The following REL variants were observed in gnomAD, a reference collection of about 807,000 sequenced individuals.
The protein encoded by REL is REL proto-oncogene, NF-kB subunit.
Under a neutral mutation model 45.9 loss-of-function variants are expected in REL, and 15 were observed. That is an observed-to-expected ratio of 0.33 (90% CI 0.22 to 0.50). The LOEUF (loss-of-function observed/expected upper bound fraction) is 0.50. Ranked by LOEUF, REL falls within the 20% of genes least tolerant of loss-of-function variation. REL has a pLI of 0.98. For synonymous variants in REL, 239 were observed against 242.1 expected (o/e 0.99, Z 0.12); for missense variants, 601 against 715.2 (o/e 0.84, Z 1.82).
intron 1 of REL, among the ~76,000 whole-genome samples, chr2:60,887,270 A>C (rs1220366964): frequency 6.6e-6 from 1 of 152,208 alleles, no homozygotes; most frequent in Admixed American, 6.5e-5. Flanking sequence ...AATAGGAATG[A>C]GTATGAGGAA....
chr2:60,897,105 T>G (rs1352380060), intron 3 of REL, among the ~76,000 whole-genome samples: 1 of 152,170 alleles, frequency 6.6e-6, no homozygotes, highest in Non-Finnish European at 1.5e-5. Context: ...AAAGTATCAC[T>G]GTAAACTCAT....
At chr2:60,920,234 C>G (rs1000869533) in intron 8 of REL, 125 bp downstream of exon 8, 16 of 770,758 alleles carry the variant, frequency 2.1e-5, no homozygotes, top group East Asian at 5.4e-5. Context: ...TAGCATCTCT[C>G]TCTGTCACCC....
intron 4 of REL, among the ~76,000 whole-genome samples, chr2:60,910,919 G>A (rs984440695): frequency 3.9e-5 from 6 of 152,172 alleles, no homozygotes; most frequent in Non-Finnish European, 8.8e-5. Context: ...GCGACAGAGT[G>A]AGACTCTGTC....
At chr2:60,882,870 T>A (rs898796347) in intron 1 of REL, among the ~76,000 whole-genome samples, 6 of 152,158 alleles carry the variant, frequency 3.9e-5, no homozygotes, top group African/African-American at 1.4e-4. Flanking sequence ...ATATTTTCCC[T>A]TAATAAATGC....
chr2:60,898,962 C>T (rs1371101871), intron 3 of REL: 1 of 152,196 alleles, frequency 6.6e-6, no homozygotes, highest in Non-Finnish European at 1.5e-5. Context: ...CTTGATCCTT[C>T]ATTTCAGAAT....
intron 1 of REL, among the ~76,000 whole-genome samples, chr2:60,886,039 C>G (rs1324237442): frequency 6.6e-6 from 1 of 152,122 alleles, no homozygotes. Flanking sequence ...TACTCACGTC[C>G]CAGTCCATAT....
At chr2:60,895,345 C>G (rs889668675) in intron 3 of REL, among the ~76,000 whole-genome samples, 2 of 151,878 alleles carry the variant, frequency 1.3e-5, no homozygotes, top group Non-Finnish European at 2.9e-5. Flanking sequence ...CCATGCCCGG[C>G]TAATTTTTGT....
chr2:60,885,825 CT>C (rs576766677), intron 1 of REL, among the ~76,000 whole-genome samples: 2 of 152,158 alleles, frequency 1.3e-5, no homozygotes, highest in Non-Finnish European at 2.9e-5. Flanking sequence ...TGTTGACACA[CT>C]GGTGTGACAA....
chr2:60,925,824 ATAAG>A lies in REL; in HGVS notation c.*3296_*3299del, dbSNP rs1343646452. On this transcript the variant is annotated 3_prime_UTR_variant, in exon 10 of 10. Transcript: ENST00000394479. Reference sequence around the variant, plus strand: ...ACTAATTAAGCGTTGGCTACTTAGTATAAGTAAGTATAAGCCGAATTAAGGTTCT... The same window carrying A: ...ACTAATTAAGCGTTGGCTACTTAGTATAAGTATAAGCCGAATTAAGGTTCT... 4.6e-6 allele frequency: 1 copy of A among 216,120 alleles called. No individual in the cohort carries two copies. The highest frequency in any genetic ancestry group is 9.3e-6 in the Non-Finnish European group (1 of 107,064). The allele number at this position is 216,120 out of a possible 1,614,324, so 13.4% of individuals were successfully genotyped here.
chr2:60,915,414 A>G (rs1048148085), intron 4 of REL, among the ~76,000 whole-genome samples: 1 of 152,216 alleles, frequency 6.6e-6, no homozygotes, highest in African/African-American at 2.4e-5. Flanking sequence ...AAGTGTTGGT[A>G]TCATAACATT....
intron 2 of REL, 91 bp downstream of exon 2, chr2:60,891,916 T>G (rs1673225612): frequency 8.1e-7 from 1 of 1,232,828 alleles, no homozygotes; most frequent in African/African-American, 1.5e-5. Context: ...TTCTTCACAG[T>G]CATCTCCACA....
intron 9 of REL, among the ~76,000 whole-genome samples, chr2:60,920,921 G>A (rs1234153202): frequency 6.6e-6 from 1 of 151,836 alleles, no homozygotes; most frequent in African/African-American, 2.4e-5. Context: ...TACTGATTTG[G>A]TTAGTTACCT....
rs192707515 is a variant in REL at position 60,926,519 on chromosome 2, A to G, written c.*3984A>G. ...CTCCTCTGGGTTTTCTGTGGTAGTCAAGATTCCTCCCTGAGATTTATTTCC... is the reference window on the plus strand; with the variant it reads ...CTCCTCTGGGTTTTCTGTGGTAGTCGAGATTCCTCCCTGAGATTTATTTCC... On this transcript the variant is annotated 3_prime_UTR_variant, in exon 10 of 10. Transcript: ENST00000394479. 3.4e-5 allele frequency: 8 copies of G among 231,922 alleles called. No individual in the cohort carries two copies. Among genetic ancestry groups the G allele is most frequent in the Admixed American group, 2.3e-4 (4 of 17,706 alleles). The allele number at this position is 231,922 out of a possible 1,614,324, so 14.4% of individuals were successfully genotyped here. A position where few individuals can be genotyped will look rare whatever the true frequency, so the allele number is the denominator to read the frequency against.
chr2:60,886,568 T>C (rs1025242881), intron 1 of REL, among the ~76,000 whole-genome samples: 1 of 152,136 alleles, frequency 6.6e-6, no homozygotes. Context: ...CAAATGGAGA[T>C]TAAAGTTAAG....
intron 3 of REL, among the ~76,000 whole-genome samples, chr2:60,895,379 G>T (rs560684285): frequency 1.3e-5 from 2 of 151,808 alleles, no homozygotes; most frequent in African/African-American, 4.8e-5. Flanking sequence ...ATGGGGTTTT[G>T]CTTGTTGCCG....
intron 1 of REL, among the ~76,000 whole-genome samples, chr2:60,887,095 C>T (rs1261488220): frequency 6.6e-6 from 1 of 152,182 alleles, no homozygotes; most frequent in Non-Finnish European, 1.5e-5. Context: ...TACCCTCTTG[C>T]ACTCCATAGA....
At position 60,921,784 on chromosome 2, in the gene REL, A is replaced by G. The variant is rs778786653; in HGVS notation, c.1013A>G (p.Asp338Gly). 5.6e-6 allele frequency: 9 copies of G among 1,611,514 alleles called. No individual in the cohort carries two copies. The highest frequency in any genetic ancestry group is 3.3e-5 in the Admixed American group (2 of 59,878). Residue 338 changes from aspartate to glycine, a missense_variant, in exon 10 of 10, where the codon GAT becomes GGT. Asp to Gly is a moderately conservative substitution (Grantham distance 94). Coordinates refer to ENST00000394479, the MANE Select transcript of REL (RefSeq NM_001291746.2). ...ACAGAACCAAACTTGTTTTCTCATG[A>G]TGCAGTTGTGAGAGAAATGCCTACA... ...FKKEPNLFSH[D>G]AVVREMPTGV...
chr2:60,912,805 C>T (rs1031926486), intron 4 of REL, among the ~76,000 whole-genome samples: 12 of 150,532 alleles, frequency 8.0e-5, no homozygotes, highest in Non-Finnish European at 7.4e-5. Context: ...AGGAAATATG[C>T]GACTTTAGTG....
At chr2:60,893,517 T>TA (rs1673273856) in intron 2 of REL, among the ~76,000 whole-genome samples, 2 of 152,234 alleles carry the variant, frequency 1.3e-5, no homozygotes, top group South Asian at 4.1e-4. Flanking sequence ...ATTTCTAAGA[T>TA]ATGTATTTTT....
Sources: gnomAD v4.1 joint callset for allele counts (sites outside exome capture counted in the v4.1 genomes callset) on GRCh38, gnomAD v4.1.1 for gene constraint, MANE v1.5 for transcripts, NCBI Gene and HGNC (gene_info 2026-07-23, HGNC 2026-07-21) for gene names.